The following FER variants were observed in gnomAD, a reference collection of about 807,000 sequenced individuals.
FER encodes FER tyrosine kinase.
A neutral mutation model predicts 111.0 loss-of-function variants in FER; 63 were observed. That is an observed-to-expected ratio of 0.57 (90% CI 0.46 to 0.70). FER has a LOEUF of 0.70. FER is among the 30% of genes least tolerant of loss of function. FER has a pLI of 0.00. For synonymous variants in FER, 327 were observed against 313.9 expected (o/e 1.04, Z -0.44); for missense variants, 914 against 954.0 (o/e 0.96, Z 0.55).
intron 2 of FER, chr5:108,785,002 C>T (rs564853803): frequency 2.9e-5 from 8 of 276,494 alleles, no homozygotes; most frequent in African/African-American, 1.8e-4. Context: ...GGCCTGTTCC[C>T]AACACCTGGG....
chr5:108,854,175 ATAACT>A (rs1434971673), intron 5 of FER, among the ~76,000 whole-genome samples: 1 of 152,236 alleles, frequency 6.6e-6, no homozygotes, highest in African/African-American at 2.4e-5. Context: ...TGATCAATAC[ATAACT>A]TTATTTTATG....
At chr5:108,881,526 A>G (rs1035266976) in intron 8 of FER, among the ~76,000 whole-genome samples, 2 of 152,162 alleles carry the variant, frequency 1.3e-5, no homozygotes, top group Non-Finnish European at 2.9e-5. Context: ...TTGGGTGAGG[A>G]CACAGCCAAA....
At chr5:108,945,404 T>C (rs1044810470) in intron 10 of FER, among the ~76,000 whole-genome samples, 1 of 152,106 alleles carries the variant, frequency 6.6e-6, no homozygotes, top group South Asian at 2.1e-4. Flanking sequence ...CATTCACTTA[T>C]GTTTATAAAA....
At chr5:108,959,517 T>C (rs1047027767) in intron 13 of FER, among the ~76,000 whole-genome samples, 170 bp downstream of exon 13, 2 of 152,038 alleles carry the variant, frequency 1.3e-5, no homozygotes, top group African/African-American at 4.8e-5. Context: ...TGAAACTTCC[T>C]TGATTTTATT....
At position 109,196,804 on chromosome 5, in the gene FER, T is replaced by C. The variant is rs887954036; in HGVS notation, c.*9229T>C. 3.3e-5 allele frequency: 5 copies of C among 152,184 alleles called. No individual in the cohort carries two copies. The highest frequency in any genetic ancestry group is 1.2e-4 in the African/African-American group (5 of 41,456). 9.4% of individuals were successfully genotyped at this position (152,184 alleles called of 1,614,324 possible). ...CTCATGTGTCTGCAGAACCTCTTTATTGTATTCCTATAATAAATGTAAAAT... is the reference window on the plus strand; with the variant it reads ...CTCATGTGTCTGCAGAACCTCTTTACTGTATTCCTATAATAAATGTAAAAT... On this transcript the variant is annotated 3_prime_UTR_variant, in exon 20 of 20. Transcript: ENST00000281092.
At chr5:109,149,356 TA>T (rs1341910092) in intron 17 of FER, among the ~76,000 whole-genome samples, 2 of 152,166 alleles carry the variant, frequency 1.3e-5, no homozygotes, top group Non-Finnish European at 2.9e-5. Flanking sequence ...TGAGACACCC[TA>T]AACTTCTCTG....
At chr5:109,086,645 G>A (rs1777598169) in intron 16 of FER, among the ~76,000 whole-genome samples, 1 of 151,348 alleles carries the variant, frequency 6.6e-6, no homozygotes. Flanking sequence ...TCTGACATAA[G>A]CATTGAAAGC....
intron 10 of FER, among the ~76,000 whole-genome samples, chr5:108,929,912 G>A (rs1754324163): frequency 2.0e-5 from 3 of 152,154 alleles, no homozygotes; most frequent in African/African-American, 7.2e-5. Context: ...GGTTTTTGAA[G>A]ATAATCTTTT....
chr5:108,751,967 C>G (rs1280760281), intron 1 of FER, among the ~76,000 whole-genome samples: 2 of 151,966 alleles, frequency 1.3e-5, no homozygotes, highest in East Asian at 1.9e-4. Context: ...TTCATACTTA[C>G]CTCGTTCATA....
chr5:109,032,249 A>G (rs1019197876), intron 13 of FER, among the ~76,000 whole-genome samples: 1 of 152,144 alleles, frequency 6.6e-6, no homozygotes, highest in Non-Finnish European at 1.5e-5. Flanking sequence ...GAAGAGAGCT[A>G]ATGTTGGTGG....
In FER at chr5:109,096,024, C is replaced by T. The variant is rs144560021; in HGVS notation, c.1925-4372C>T. 1.2e-3 allele frequency among the ~76,000 whole-genome samples: 181 copies of T among 152,134 alleles called. 2 individuals carry two copies. Among genetic ancestry groups the T allele is most frequent in the African/African-American group, 4.3e-3 (177 of 41,542 alleles). The stretch of plus-strand genomic sequence containing the variant: ...TTCAATGACAAGAAGTCATTAGTGG[C>T]ATTGCCCTGATGATCTCTTCTCTCC... On this transcript the variant is annotated intron_variant, in intron 16 of 19. Transcript: ENST00000281092.
intron 10 of FER, among the ~76,000 whole-genome samples, chr5:108,928,358 T>C (rs1339517068): frequency 6.6e-6 from 1 of 152,238 alleles, no homozygotes; most frequent in Non-Finnish European, 1.5e-5. Context: ...TTTTTACTGC[T>C]GCCAATTGGC....
chr5:108,894,630 G>A (rs1029069636), intron 9 of FER: 4 of 327,830 alleles, frequency 1.2e-5, no homozygotes, highest in African/African-American at 4.4e-5. Context: ...ATAGAAGAGC[G>A]TGGTGCTGGT....
At chr5:108,758,961 G>A (rs1006310341) in intron 1 of FER, among the ~76,000 whole-genome samples, 4 of 151,770 alleles carry the variant, frequency 2.6e-5, no homozygotes, top group East Asian at 1.9e-4. Context: ...TATAACTTTC[G>A]ATGCATTTAC....
intron 17 of FER, among the ~76,000 whole-genome samples, chr5:109,125,090 A>G (rs1158622363): frequency 2.0e-5 from 3 of 151,808 alleles, no homozygotes; most frequent in Non-Finnish European, 4.4e-5. Context: ...TTGACTGCTA[A>G]TCAGTAGGAA....
intron 16 of FER, among the ~76,000 whole-genome samples, chr5:109,076,434 G>GT (rs1776352926): frequency 1.3e-5 from 2 of 152,010 alleles, no homozygotes; most frequent in South Asian, 2.1e-4. Context: ...AATTTCTTTT[G>GT]TTTTTTGTGT....
At chr5:108,913,862 A>C (rs1334476215) in intron 10 of FER, among the ~76,000 whole-genome samples, 1 of 152,214 alleles carries the variant, frequency 6.6e-6, no homozygotes, top group East Asian at 1.9e-4. Context: ...GTATGGCTGA[A>C]TCTTACAAAA....
chr5:109,186,125 G>A (rs1162870428), intron 18 of FER, 75 bp from the exon 19 acceptor site: 27 of 1,595,706 alleles, frequency 1.7e-5, no homozygotes, highest in Non-Finnish European at 1.9e-5. Flanking sequence ...GACTGACACA[G>A]ACATACATAA....
intron 10 of FER, among the ~76,000 whole-genome samples, chr5:108,902,151 A>G (rs1460027213): frequency 6.6e-6 from 1 of 152,142 alleles, no homozygotes; most frequent in Non-Finnish European, 1.5e-5. Context: ...GAATAAATTC[A>G]TTTGAACTTT....
Sources: gnomAD v4.1 joint callset for allele counts (sites outside exome capture counted in the v4.1 genomes callset) on GRCh38, gnomAD v4.1.1 for gene constraint, MANE v1.5 for transcripts, NCBI Gene and HGNC (gene_info 2026-07-23, HGNC 2026-07-21) for gene names.